ADAMTS20: variants seen among roughly 807,000 people sequenced by gnomAD.
ADAMTS20 encodes the protein ADAM metallopeptidase with thrombospondin type 1 motif 20.
In ADAMTS20, 225 loss-of-function variants were observed where a neutral mutation model predicts 260.1. The ratio of observed to expected loss-of-function variants is 0.87; its 90% CI spans 0.78 to 0.97. ADAMTS20 has a LOEUF of 0.97. ADAMTS20 is among the 50% of genes least tolerant of loss of function. The probability of loss-of-function intolerance (pLI) is 0.00; values close to 1 mark genes in which losing one functional copy is unlikely to be tolerated. For missense variants in ADAMTS20, 2,400 were observed against 2,337.7 expected, an observed-to-expected ratio of 1.03 and a Z score of -0.55; for synonymous variants, 802 against 769.5, an observed-to-expected ratio of 1.04 and a Z score of -0.70.
chr12:43,433,871 A>T, intron 19 of ADAMTS20: 1 of 409,394 alleles, frequency 2.4e-6, no homozygotes. Context: ...GATTTCTCCA[A>T]ACTTCAGAAG....
At position 43,495,143 on chromosome 12, in the gene ADAMTS20, T is replaced by A. The variant is rs532542402; in HGVS notation, c.868-1890A>T. Among the ~76,000 whole-genome samples the A allele has an allele frequency of 2.0e-5, 3 of 152,316 alleles. No homozygotes were observed. The South Asian group carries it at 6.2e-4, about 32-fold the overall frequency. The stretch of plus-strand genomic sequence containing the variant: ...ATTTCCAGTTTCGGAAGGAAACAGA[T>A]GCTGCACCTTTATTTAAAAGTGACA... On this transcript the variant is annotated intron_variant, in intron 4 of 38. Transcript: ENST00000389420.
intron 28 of ADAMTS20, among the ~76,000 whole-genome samples, chr12:43,420,530 T>C (rs1272485528): frequency 6.6e-6 from 1 of 152,168 alleles, no homozygotes; most frequent in Non-Finnish European, 1.5e-5. Flanking sequence ...CACTCCACTT[T>C]ACAAAGTCAA....
rs535341386 is a variant in ADAMTS20, at chr12:43,435,696, TAA to T, written c.2594-1327_2594-1326del. The stretch of plus-strand genomic sequence containing the variant: ...ATAAAAATAAAATAAAAAAAGTCTA[TAA>T]AAAAAAAAAACATGGATACAGATAC... On this transcript the variant is annotated intron_variant, in intron 18 of 38. Coordinates refer to ENST00000389420, the MANE Select transcript of ADAMTS20 (RefSeq NM_025003.5). 1.0e-3 allele frequency among the ~76,000 whole-genome samples: 119 copies of T among 117,098 alleles called. 1 individual carries two copies. Among genetic ancestry groups the T allele is most frequent in the African/African-American group, 3.1e-3 (101 of 32,128 alleles). 76.8% of individuals were successfully genotyped at this position (117,098 alleles called of 152,430 possible). A position where few individuals can be genotyped will look rare whatever the true frequency, so the allele number is the denominator to read the frequency against.
At chr12:43,389,088 G>A (rs976759292) in intron 29 of ADAMTS20, among the ~76,000 whole-genome samples, 3 of 152,058 alleles carry the variant, frequency 2.0e-5, no homozygotes, top group South Asian at 2.1e-4. Flanking sequence ...CCTCAAATTC[G>A]TGTCCTTCTC....
chr12:43,409,378 G>A (rs537794859), intron 28 of ADAMTS20, among the ~76,000 whole-genome samples: 102 of 151,648 alleles, frequency 6.7e-4, no homozygotes, highest in African/African-American at 2.2e-3. Flanking sequence ...CGAGACGGGC[G>A]GATCACGAGG....
At chr12:43,529,404 C>T (rs766224345) in intron 3 of ADAMTS20, among the ~76,000 whole-genome samples, 2 of 152,168 alleles carry the variant, frequency 1.3e-5, no homozygotes, top group South Asian at 2.1e-4. Flanking sequence ...AACCAACCTA[C>T]GTGCCTGCTA....
At chr12:43,354,344 T>C in intron 38 of ADAMTS20, 46 bp from the exon 39 acceptor site, 1 of 1,395,458 alleles carries the variant, frequency 7.2e-7, no homozygotes, top group Non-Finnish European at 9.9e-7. Context: ...TACAAGCTGG[T>C]ATCTGTATGC....
intron 37 of ADAMTS20, among the ~76,000 whole-genome samples, chr12:43,358,291 C>T (rs370469619): frequency 1.6e-4 from 25 of 152,118 alleles, no homozygotes; most frequent in African/African-American, 5.6e-4. Flanking sequence ...CTAGAACTAT[C>T]GATTGTTCCA....
At chr12:43,474,068 T>C (rs1233013821) in intron 7 of ADAMTS20, among the ~76,000 whole-genome samples, 1 of 151,494 alleles carries the variant, frequency 6.6e-6, no homozygotes, top group African/African-American at 2.4e-5. Flanking sequence ...TTTGAAAGGA[T>C]CAACAAAATT....
chr12:43,427,525 T>C, intron 26 of ADAMTS20, 56 bp from the exon 27 acceptor site: 1 of 1,467,360 alleles, frequency 6.8e-7, no homozygotes, highest in Non-Finnish European at 9.0e-7. Context: ...ATAATGAATT[T>C]ACATGGTAAA....
At chr12:43,420,469 C>A (rs1443102238) in intron 28 of ADAMTS20, among the ~76,000 whole-genome samples, 4 of 152,146 alleles carry the variant, frequency 2.6e-5, no homozygotes, top group Non-Finnish European at 4.4e-5. Flanking sequence ...GTTTACTATA[C>A]TTATGTGTCT....
At chr12:43,368,047 C>T (rs1004211683) in intron 37 of ADAMTS20, among the ~76,000 whole-genome samples, 2 of 151,976 alleles carry the variant, frequency 1.3e-5, no homozygotes, top group African/African-American at 4.8e-5. Flanking sequence ...TTACCATTGT[C>T]TCTCACTCTT....
rs148449748 is a variant in ADAMTS20 at position 43,482,286 on chromosome 12, G to C, written c.1117+8109C>G. On this transcript the variant is annotated intron_variant, in intron 7 of 38. Transcript: ENST00000389420. ...CAGACCAGAGGAGCGAGCCTGAAGT[G>C]TGTTGTCACCACGGGGGCAGGAGCT... Among the ~76,000 whole-genome samples the C allele has an allele frequency of 3.9e-5, 6 of 152,356 alleles. No individual in the cohort carries two copies. In the East Asian group the frequency reaches 1.2e-3, roughly 29 times the overall value.
intron 7 of ADAMTS20, among the ~76,000 whole-genome samples, chr12:43,481,629 G>A (rs370257791): frequency 2.0e-5 from 3 of 152,172 alleles, no homozygotes; most frequent in Non-Finnish European, 4.4e-5. Flanking sequence ...TCAGGTGGCT[G>A]CATTTAAAAA....
Position 43,492,508 on chromosome 12 carries a change from G to C in ADAMTS20, c.1073C>G (p.Thr358Ser). The part of the protein sequence containing the change: ...PSHHDTAVLI[T>S]REDICSSKEK... ...AGGGTTATTTCTATAATCATACCTA[G>C]TGATAAGAACAGCAGTGTCATGGTG... is the stretch of plus-strand genomic sequence containing the variant. The change falls in exon 6 of 39, where the codon ACT becomes AGT. Residue 358 changes from threonine (T) to serine (S), a missense_variant. Thr to Ser is a moderately conservative substitution (Grantham distance 58). Transcript: ENST00000389420. The C allele has an allele frequency of 6.2e-7, 1 of 1,613,786 alleles. No homozygotes were observed. Among genetic ancestry groups the C allele is most frequent in the Non-Finnish European group, 8.5e-7 (1 of 1,179,726 alleles).
intron 28 of ADAMTS20, among the ~76,000 whole-genome samples, chr12:43,418,672 AT>A (rs960751100): frequency 9.2e-5 from 14 of 152,218 alleles, no homozygotes; most frequent in African/African-American, 3.4e-4. Flanking sequence ...CCAATTGTAT[AT>A]TTCTAAAATG....
chr12:43,463,157 T>A (rs989732662), intron 10 of ADAMTS20, among the ~76,000 whole-genome samples, 158 bp from the exon 11 acceptor site: 1 of 152,220 alleles, frequency 6.6e-6, no homozygotes, highest in South Asian at 2.1e-4. Flanking sequence ...TTCTAGTCAT[T>A]AATTTTCTTC....
At chr12:43,384,961 G>C (rs1185727038) in intron 29 of ADAMTS20, among the ~76,000 whole-genome samples, 1 of 152,084 alleles carries the variant, frequency 6.6e-6, no homozygotes. Context: ...ATAATCCTAT[G>C]CACATATACC....
At chr12:43,521,813 C>T (rs1338079107) in intron 3 of ADAMTS20, among the ~76,000 whole-genome samples, 1 of 152,064 alleles carries the variant, frequency 6.6e-6, no homozygotes, top group Non-Finnish European at 1.5e-5. Context: ...CACACACACC[C>T]GCACCTTACT....
Sources: gnomAD v4.1 joint callset for allele counts (sites outside exome capture counted in the v4.1 genomes callset) on GRCh38, gnomAD v4.1.1 for gene constraint, MANE v1.5 for transcripts, NCBI Gene and HGNC (gene_info 2026-07-23, HGNC 2026-07-21) for gene names.